The following BEGAIN variants were observed in gnomAD, a reference collection of about 807,000 sequenced individuals.
The protein encoded by BEGAIN is brain-enriched guanylate kinase-associated protein.
Under a neutral mutation model 35.8 loss-of-function variants are expected in BEGAIN, and 19 were observed. That is an observed-to-expected ratio of 0.53 (90% CI 0.37 to 0.78). The LOEUF (loss-of-function observed/expected upper bound fraction) is 0.78, where lower values mean the gene tolerates loss of function less well. Ranked by LOEUF, BEGAIN falls within the 30% of genes least tolerant of loss-of-function variation. BEGAIN has a pLI of 0.00. For missense variants in BEGAIN, 795 were observed against 853.6 expected, an observed-to-expected ratio of 0.93 and a Z score of 0.85; for synonymous variants, 462 against 388.6, an observed-to-expected ratio of 1.19 and a Z score of -2.22.
intron 1 of BEGAIN, among the ~76,000 whole-genome samples, chr14:100,582,916 G>A (rs370106950): frequency 6.6e-4 from 100 of 151,824 alleles, no homozygotes; most frequent in African/African-American, 2.3e-3. Flanking sequence ...CTCTGAAGCA[G>A]AGGGACATGG....
intron 2 of BEGAIN, among the ~76,000 whole-genome samples, chr14:100,553,092 C>T (rs113864931): frequency 0.032 from 4,911 of 152,184 alleles, 248 homozygotes; most frequent in African/African-American, 0.1. Flanking sequence ...ACCCTGGGGG[C>T]GGCACTGTCA....
chr14:100,538,857 G>T lies in BEGAIN; in HGVS notation c.951C>A (p.Ser317Arg). ...PSYAGSLPTS[S>R]SYSSFSATSE... ...ACGTGGCGCTGAAGCTGGAGTAGGA[G>T]CTGGACGTGGGCAGTGAGCCTGCGT... The change falls in exon 7 of 7, where the codon AGC becomes AGA. Residue 317 changes from serine to arginine, a missense_variant. Physicochemically the swap from Ser to Arg is moderately radical, Grantham distance 110. This residue lies in a region of BEGAIN where 664 missense variants were observed against 647.7 expected (regional missense o/e 1.03). Coordinates refer to ENST00000554140, the MANE Select transcript of BEGAIN (RefSeq NM_001385089.1). The T allele has an allele frequency of 6.2e-7, 1 of 1,607,480 alleles. No individual in the cohort carries two copies.
intron 2 of BEGAIN, among the ~76,000 whole-genome samples, chr14:100,562,933 T>A (rs2034393568): frequency 6.6e-6 from 1 of 151,570 alleles, no homozygotes; most frequent in African/African-American, 2.4e-5. Flanking sequence ...TGGTGCTCAG[T>A]GAATGCGTGT....
At chr14:100,585,506 G>A (rs2035425924) in intron 1 of BEGAIN, among the ~76,000 whole-genome samples, 1 of 148,972 alleles carries the variant, frequency 6.7e-6, no homozygotes, top group East Asian at 2.0e-4. Flanking sequence ...TGCAGGAGTA[G>A]GGAAGCTCCT....
chr14:100,577,620 G>A (rs897057495), intron 1 of BEGAIN: 4 of 399,000 alleles, frequency 1.0e-5, no homozygotes, highest in African/African-American at 2.1e-5. Context: ...CCAGGAACCT[G>A]GAGAAGGGCA....
chr14:100,539,246 G>C lies in BEGAIN; in HGVS notation c.562C>G (p.Leu188Val). 6.3e-7 allele frequency: 1 copy of C among 1,588,626 alleles called. No homozygotes were observed. The highest frequency in any genetic ancestry group is 8.6e-7 in the Non-Finnish European group (1 of 1,167,560). ...EKHGCSLPSP[L>V]CHPAYADSVP... ...CTGTCGGCGTAGGCCGGGTGGCAGA[G>C]CGGGGATGGCAGGCTGCAGCCGTGC... The change falls in exon 7 of 7, where the codon CTC becomes GTC. Residue 188 changes from leucine to valine, a missense_variant. Leu to Val is a conservative substitution (Grantham distance 32). Coordinates refer to ENST00000554140, the MANE Select transcript of BEGAIN (RefSeq NM_001385089.1).
In BEGAIN at chr14:100,538,062, G is replaced by A. The variant is rs762662042; in HGVS notation, c.1746C>T (p.Ser582=). ...CAGTCCGCGGAAAGGCCTGCTGGGGGCTGAGGCGGGCGGCAGGATGCATTT... is the reference window on the plus strand; with the variant it reads ...CAGTCCGCGGAAAGGCCTGCTGGGGACTGAGGCGGGCGGCAGGATGCATTT... ...SPEMHPAARL[S]PQQAFPRTGG... is the part of the protein sequence containing the mutation. Residue 582 remains serine (S), a synonymous_variant, in exon 7 of 7, where the codon AGC becomes AGT. Coordinates refer to ENST00000554140, the MANE Select transcript of BEGAIN (RefSeq NM_001385089.1). 3.1e-5 allele frequency: 50 copies of A among 1,599,404 alleles called. No homozygotes were observed. In the East Asian group the frequency reaches 7.6e-4, roughly 24 times the overall value.
intron 5 of BEGAIN, 47 bp from the exon 6 acceptor site, chr14:100,540,626 C>A: frequency 5.5e-6 from 8 of 1,456,916 alleles, no homozygotes; most frequent in Non-Finnish European, 7.5e-6. Flanking sequence ...CCAGCCAAGG[C>A]CCCGCCGCCC....
chr14:100,560,377 C>T (rs938045046), intron 2 of BEGAIN, among the ~76,000 whole-genome samples: 1 of 152,232 alleles, frequency 6.6e-6, no homozygotes, highest in African/African-American at 2.4e-5. Flanking sequence ...CCTGCCCCTG[C>T]CTCTCTTTTC....
chr14:100,538,949 C>A lies in BEGAIN; in HGVS notation c.859G>T (p.Glu287Ter). Residue 287 changes from glutamate to a stop codon, truncating the protein, a stop_gained, in exon 7 of 7, where the codon GAG (glutamate) becomes TAG (stop). Coordinates refer to ENST00000554140, the MANE Select transcript of BEGAIN (RefSeq NM_001385089.1). LOFTEE classifies it high-confidence loss of function. ...RAQNSTDSAA[E>*]EEEEAEAAAF... Reference sequence around the variant, plus strand: ...GCCGCCTCGGCCTCCTCCTCCTCCTCGGCCGCGCTGTCAGTGGAGTTCTGG... The same window carrying A: ...GCCGCCTCGGCCTCCTCCTCCTCCTAGGCCGCGCTGTCAGTGGAGTTCTGG... The A allele has an allele frequency of 6.2e-7, 1 of 1,608,972 alleles. No homozygotes were observed. Among genetic ancestry groups the A allele is most frequent in the Non-Finnish European group, 8.5e-7 (1 of 1,178,198 alleles).
Position 100,537,494 on chromosome 14 carries a change from CG to C in BEGAIN, c.*474del, listed in dbSNP as rs1173950597. The C allele has an allele frequency of 1.9e-5, 3 of 156,316 alleles. No homozygotes were observed. The highest frequency in any genetic ancestry group is 4.8e-5 in the African/African-American group (2 of 41,706). 9.7% of individuals were successfully genotyped at this position (156,316 alleles called of 1,614,324 possible). On this transcript the variant is annotated 3_prime_UTR_variant, in exon 7 of 7. Transcript: ENST00000554140. The stretch of plus-strand genomic sequence containing the variant: ...TCAGGGCTCCCTTGTCACTGGCTTG[CG>C]GGGGTGGTCTCCCCACTTGCAGAGT...
At chr14:100,577,657 C>T (rs984246934) in intron 1 of BEGAIN, 2 of 398,974 alleles carry the variant, frequency 5.0e-6, no homozygotes, top group Non-Finnish European at 8.8e-6. Context: ...GCGGCCCAGG[C>T]GTGCGAGGGA....
At position 100,538,954 on chromosome 14, in the gene BEGAIN, G is replaced by A. The variant is rs369893698; in HGVS notation, c.854C>T (p.Ala285Val). 7.5e-6 allele frequency: 12 copies of A among 1,609,236 alleles called. No homozygotes were observed. In the East Asian group the frequency reaches 1.6e-4, roughly 21 times the overall value. Reference protein sequence around the residue: ...FLRAQNSTDSAAEEEEEAEAA... With the variant: ...FLRAQNSTDSVAEEEEEAEAA... ...CTCGGCCTCCTCCTCCTCCTCGGCCGCGCTGTCAGTGGAGTTCTGGGCCCG... is the reference window on the plus strand; with the variant it reads ...CTCGGCCTCCTCCTCCTCCTCGGCCACGCTGTCAGTGGAGTTCTGGGCCCG... Residue 285 changes from alanine to valine, a missense_variant, in exon 7 of 7, where the codon GCG becomes GTG. Ala to Val is a moderately conservative substitution (Grantham distance 64). This residue lies in a region of BEGAIN where 664 missense variants were observed against 647.7 expected (regional missense o/e 1.03). Coordinates refer to ENST00000554140, the MANE Select transcript of BEGAIN (RefSeq NM_001385089.1).
chr14:100,581,994 G>A (rs1344668894), intron 1 of BEGAIN, among the ~76,000 whole-genome samples: 5 of 152,246 alleles, frequency 3.3e-5, no homozygotes, highest in Admixed American at 1.3e-4. Flanking sequence ...CCCGCTTCAC[G>A]GAGGAGGAAA....
rs538142695 is a variant in BEGAIN, at chr14:100,551,793, C to T, written c.72-5131G>A. Among the ~76,000 whole-genome samples, 6 of 152,196 alleles carry T rather than the reference C, an allele frequency of 3.9e-5. No individual in the cohort carries two copies. The South Asian group carries it at 6.2e-4, about 16-fold the overall frequency. On this transcript the variant is annotated intron_variant, in intron 2 of 6. Coordinates refer to ENST00000554140, the MANE Select transcript of BEGAIN (RefSeq NM_001385089.1). ...AAAGCTCTTGGCACTGGCCACGAGT[C>T]GCACATTGATCACTGGATTCCTGAG... is the stretch of plus-strand genomic sequence containing the variant.
intron 1 of BEGAIN, among the ~76,000 whole-genome samples, chr14:100,570,098 A>G (rs1225799320): frequency 6.6e-6 from 1 of 152,182 alleles, no homozygotes; most frequent in Non-Finnish European, 1.5e-5. Context: ...TTTCCCACCC[A>G]AAGGCTGTCT....
chr14:100,568,121 G>A lies in BEGAIN; in HGVS notation c.43-182C>T. The A allele has an allele frequency of 9.9e-7, 1 of 1,014,948 alleles. No individual in the cohort carries two copies. The allele number at this position is 1,014,948 out of a possible 1,614,324, so 62.9% of individuals were successfully genotyped here. A position where few individuals can be genotyped will look rare whatever the true frequency, so the allele number is the denominator to read the frequency against. ...GCGGCCCCCGTGACTCAGTGGGCGC[G>A]CCGGGCCGCGGCCGAGTAACAGGTG... On this transcript the variant is annotated intron_variant, in intron 1 of 6. Transcript: ENST00000554140. This position sits in a 1 kb window ranked among gnomAD's most constrained non-coding sequence, Gnocchi z 7.5.
At chr14:100,580,504 G>A (rs77272848) in intron 1 of BEGAIN, among the ~76,000 whole-genome samples, 2 of 151,942 alleles carry the variant, frequency 1.3e-5, no homozygotes, top group East Asian at 3.9e-4. Flanking sequence ...CTGACCTCAG[G>A]GCCTTTGCAC....
chr14:100,543,307 T>G (rs1243697462), intron 5 of BEGAIN, among the ~76,000 whole-genome samples: 3 of 133,366 alleles, frequency 2.2e-5, no homozygotes, highest in African/African-American at 7.2e-5. Context: ...TTTTTTTTTG[T>G]TTTTTTTTTT....
Sources: allele counts gnomAD v4.1 joint callset (sites outside exome capture counted in the v4.1 genomes callset), GRCh38; gene constraint gnomAD v4.1.1; regional missense constraint gnomAD v4.1.1; non-coding constraint Gnocchi (gnomAD v3.1); transcripts MANE v1.5; gene names NCBI Gene and HGNC (gene_info 2026-07-23, HGNC 2026-07-21).